Variants in DPP6 observed in about 807,000 individuals in gnomAD.
The protein encoded by DPP6 is A-type potassium channel modulatory protein DPP6.
In DPP6, 69 loss-of-function variants were observed where a neutral mutation model predicts 122.6. That is an observed-to-expected ratio of 0.56 (90% CI 0.46 to 0.69). The LOEUF is 0.69. DPP6 is among the 30% of genes least tolerant of loss of function. The pLI, the probability that DPP6 is intolerant of heterozygous loss-of-function variation, is 0.00. For synonymous variants in DPP6, 418 were observed against 433.1 expected (o/e 0.97, Z 0.43); for missense variants, 928 against 1,116.9 (o/e 0.83, Z 2.41).
intron 22 of DPP6, 41 bp downstream of exon 22, chr7:154,885,785 G>A (rs571526039): frequency 1.9e-5 from 27 of 1,412,742 alleles, no homozygotes; most frequent in South Asian, 8.6e-5. Context: ...CTCTGCTCCC[G>A]CCCCGCCCCG....
At chr7:154,545,149 G>A (rs557265303) in intron 4 of DPP6, among the ~76,000 whole-genome samples, 5 of 152,212 alleles carry the variant, frequency 3.3e-5, no homozygotes, top group African/African-American at 7.2e-5. Context: ...CAGAAATTCC[G>A]GGACCTTACA....
chr7:154,582,878 T>G (rs1288951322), intron 5 of DPP6, among the ~76,000 whole-genome samples: 1 of 152,166 alleles, frequency 6.6e-6, no homozygotes, highest in Admixed American at 6.5e-5. Context: ...GGGAACAGTA[T>G]GAGTGTCTTC....
intron 1 of DPP6, among the ~76,000 whole-genome samples, chr7:154,133,027 C>G (rs1165508755): frequency 2.0e-5 from 3 of 151,886 alleles, no homozygotes; most frequent in Non-Finnish European, 4.4e-5. Flanking sequence ...ATATCGTTGT[C>G]CGTTGGATTC....
At chr7:154,042,429 AAAC>A (rs934861048) in intron 1 of DPP6, among the ~76,000 whole-genome samples, 2 of 152,212 alleles carry the variant, frequency 1.3e-5, no homozygotes, top group African/African-American at 4.8e-5. Flanking sequence ...TCCTCTTGGA[AAAC>A]AACAACAAAA....
chr7:154,858,550 T>A (rs1803031886), intron 17 of DPP6: 1 of 152,458 alleles, frequency 6.6e-6, no homozygotes, highest in Non-Finnish European at 1.5e-5. Flanking sequence ...TCTCCGCCCA[T>A]ACACCACCCC....
intron 1 of DPP6, among the ~76,000 whole-genome samples, chr7:153,941,957 G>GA (rs965764168): frequency 2.4e-4 from 37 of 151,786 alleles, no homozygotes; most frequent in Admixed American, 5.9e-4. Flanking sequence ...CTGTGGCTGG[G>GA]AAAAAAAAGG....
rs758103559 is a variant in DPP6 at position 154,880,772 on chromosome 7, A to C, written c.2079-116A>C. ...TATTGGAATGCTAAGGTTGCTTTTT[A>C]TTTGAAGAGGGGTTTTCATCCTTGA... is the stretch of plus-strand genomic sequence containing the variant. On this transcript the variant is annotated intron_variant, in intron 20 of 25. Transcript: ENST00000377770. 7.4e-4 allele frequency: 1,155 copies of C among 1,561,710 alleles called. 4 individuals carry two copies. The highest frequency in any genetic ancestry group is 2.1e-3 in the South Asian group (186 of 86,918).
At chr7:153,871,142 C>T in the DPP6 span, among the ~76,000 whole-genome samples, 1 of 152,226 alleles carries the variant, frequency 6.6e-6, no homozygotes, top group Non-Finnish European at 1.5e-5. Flanking sequence ...AGATCCCAAG[C>T]TGCGTGCTGG....
chr7:154,547,479 T>C (rs1829289157), intron 4 of DPP6, among the ~76,000 whole-genome samples: 1 of 152,344 alleles, frequency 6.6e-6, no homozygotes, highest in African/African-American at 2.4e-5. Flanking sequence ...AAGAGGCAGC[T>C]GGCCCCTCAG....
intron 1 of DPP6, among the ~76,000 whole-genome samples, chr7:154,004,856 C>T (rs1230942699): frequency 6.6e-6 from 1 of 152,162 alleles, no homozygotes; most frequent in African/African-American, 2.4e-5. Context: ...CATAGATATG[C>T]ATATGGAACC....
chr7:154,390,752 C>T (rs1408793835), intron 1 of DPP6, among the ~76,000 whole-genome samples: 1 of 152,074 alleles, frequency 6.6e-6, no homozygotes. Context: ...CTGTGTTTTC[C>T]GTTCAGAGAA....
chr7:153,831,166 T>C, the DPP6 span, among the ~76,000 whole-genome samples: 180 of 152,362 alleles, frequency 1.2e-3, 1 homozygote, highest in South Asian at 3.5e-3. Context: ...CTCATTTATG[T>C]AATAGATGTC....
intron 1 of DPP6, among the ~76,000 whole-genome samples, chr7:154,000,707 C>T (rs1228179463): frequency 6.6e-6 from 1 of 152,016 alleles, no homozygotes; most frequent in Non-Finnish European, 1.5e-5. Context: ...CAATAGCTGA[C>T]GTTTCCTGGA....
chr7:154,335,239 C>T (rs981065043), intron 1 of DPP6, among the ~76,000 whole-genome samples: 13 of 152,220 alleles, frequency 8.5e-5, no homozygotes, highest in Non-Finnish European at 1.5e-4. Context: ...ATTTTTGTTA[C>T]GGCTTATTGC....
At chr7:154,827,132 C>G (rs1800217754) in intron 16 of DPP6, among the ~76,000 whole-genome samples, 1 of 151,496 alleles carries the variant, frequency 6.6e-6, no homozygotes, top group Admixed American at 6.6e-5. Context: ...GTAATATAAA[C>G]TATTTTTAAA....
At chr7:154,728,128 G>T (rs1450978843) in intron 8 of DPP6, among the ~76,000 whole-genome samples, 2 of 152,230 alleles carry the variant, frequency 1.3e-5, no homozygotes, top group Non-Finnish European at 2.9e-5. Context: ...GGACAGGTGT[G>T]CTGGCTTTGG....
intron 1 of DPP6, among the ~76,000 whole-genome samples, chr7:154,393,554 ATTT>A (rs552425581): frequency 2.1e-5 from 3 of 141,480 alleles, no homozygotes; most frequent in East Asian, 2.1e-4. Flanking sequence ...AGATTGTTCA[ATTT>A]TTTTTTTTTT....
chr7:154,261,150 T>G (rs1802990151), intron 1 of DPP6, among the ~76,000 whole-genome samples: 2 of 152,200 alleles, frequency 1.3e-5, no homozygotes, highest in African/African-American at 4.8e-5. Context: ...TGCCTCAGCC[T>G]CCCAAAGTGC....
intron 7 of DPP6, among the ~76,000 whole-genome samples, chr7:154,696,415 A>G (rs1027200535): frequency 1.3e-5 from 2 of 152,192 alleles, no homozygotes; most frequent in Non-Finnish European, 2.9e-5. Flanking sequence ...GTCCAGGGGA[A>G]GTCACAAATA....
Sources: gnomAD v4.1 joint callset for allele counts (sites outside exome capture counted in the v4.1 genomes callset) on GRCh38, gnomAD v4.1.1 for gene constraint, MANE v1.5 for transcripts, NCBI Gene and HGNC (gene_info 2026-07-23, HGNC 2026-07-21) for gene names.